SLC39A14: variants seen among roughly 807,000 people sequenced by gnomAD.
The protein encoded by SLC39A14 is solute carrier family 39 member 14.
In SLC39A14, 19 loss-of-function variants were observed where a neutral mutation model predicts 45.5. The ratio of observed to expected loss-of-function variants is 0.42; its 90% CI spans 0.29 to 0.61. The LOEUF (loss-of-function observed/expected upper bound fraction) is 0.61. Among genes scored for constraint, SLC39A14 ranks in the 20% least tolerant of loss-of-function variants. The probability of loss-of-function intolerance (pLI) is 0.22; values close to 1 mark genes in which losing one functional copy is unlikely to be tolerated. For missense variants in SLC39A14, 447 were observed against 616.5 expected (o/e 0.73, Z 2.91); for synonymous variants, 264 against 251.3 (o/e 1.05, Z -0.48).
At chr8:22,397,979 C>CA (rs1834605852) in intron 1 of SLC39A14, among the ~76,000 whole-genome samples, 1 of 152,132 alleles carries the variant, frequency 6.6e-6, no homozygotes, top group Non-Finnish European at 1.5e-5. Flanking sequence ...ATGGGTCCCT[C>CA]GGAGACCCCT....
chr8:22,382,964 C>T lies in SLC39A14; in HGVS notation c.-16+15556C>T, dbSNP rs558647775. Among the ~76,000 whole-genome samples the T allele has an allele frequency of 2.6e-5, 4 of 152,140 alleles. No homozygotes were observed. The South Asian group carries it at 6.2e-4, about 24-fold the overall frequency. Reference sequence around the variant, plus strand: ...AACTCCTGGGCTCAAGCCATCCACCCGCATCGGCCTCCCAAAGTGTTGGGA... The same window carrying T: ...AACTCCTGGGCTCAAGCCATCCACCTGCATCGGCCTCCCAAAGTGTTGGGA... On this transcript the variant is annotated intron_variant, in intron 1 of 8. Coordinates refer to ENST00000381237, the MANE Select transcript of SLC39A14 (RefSeq NM_001128431.4).
chr8:22,417,655 CTT>C lies in SLC39A14; in HGVS notation c.1154_1155del (p.Phe385CysfsTer58), dbSNP rs1835968030. The C allele has an allele frequency of 6.2e-7, 1 of 1,612,922 alleles. No individual in the cohort carries two copies. The highest frequency in any genetic ancestry group is 8.5e-7 in the Non-Finnish European group (1 of 1,179,506). Reference protein sequence around the residue: ...CEEFPHELGDFVILLNAGMSI... With the variant: ...CEEFPHELGDXVILLNAGMSI... ...TTTTCATTCTCGCTGCTGTAGGAGA[CTT>C]TGTCATCCTGCTCAACGCTGGGATG... On this transcript the variant is annotated frameshift_variant, in exon 8 of 9. Coordinates refer to ENST00000381237, the MANE Select transcript of SLC39A14 (RefSeq NM_001128431.4). LOFTEE classifies it high-confidence loss of function.
intron 1 of SLC39A14, among the ~76,000 whole-genome samples, chr8:22,369,019 C>A (rs555158526): frequency 2.6e-5 from 4 of 152,166 alleles, no homozygotes; most frequent in African/African-American, 9.7e-5. Flanking sequence ...AGAATCATAA[C>A]TTAGCAGCTG....
chr8:22,408,743 C>A (rs1319201386), intron 3 of SLC39A14, among the ~76,000 whole-genome samples: 1 of 151,994 alleles, frequency 6.6e-6, no homozygotes, highest in African/African-American at 2.4e-5. Flanking sequence ...ACTTCTTGAG[C>A]GGCCTATGGA....
At position 22,379,905 on chromosome 8, in the gene SLC39A14, G is replaced by T. The variant is rs1210173350; in HGVS notation, c.-16+12497G>T. Among the ~76,000 whole-genome samples, 3 of 143,944 alleles carry T rather than the reference G, an allele frequency of 2.1e-5. No homozygotes were observed. The East Asian group carries it at 6.1e-4, about 29-fold the overall frequency. The allele number at this position is 143,944 out of a possible 152,430, so 94.4% of individuals were successfully genotyped here. A position where few individuals can be genotyped will look rare whatever the true frequency, so the allele number is the denominator to read the frequency against. ...GGTTGTGCCACTGCACTCCAGCCTG[G>T]CGACAGAGTGAGACTCCATCTCAAA... On this transcript the variant is annotated intron_variant, in intron 1 of 8. Coordinates refer to ENST00000381237, the MANE Select transcript of SLC39A14 (RefSeq NM_001128431.4).
intron 3 of SLC39A14, among the ~76,000 whole-genome samples, chr8:22,410,736 C>A (rs1367470637): frequency 2.0e-5 from 3 of 152,204 alleles, no homozygotes; most frequent in Non-Finnish European, 4.4e-5. Flanking sequence ...GACTGACTTC[C>A]TGGTACCTTG....
chr8:22,404,121 G>A (rs1233621407), intron 1 of SLC39A14, among the ~76,000 whole-genome samples: 4 of 151,582 alleles, frequency 2.6e-5, no homozygotes, highest in Non-Finnish European at 5.9e-5. Context: ...CCTCTAAAAC[G>A]ACTTCTAAAA....
chr8:22,424,275 C>T (rs1047824327), downstream of SLC39A14, among the ~76,000 whole-genome samples: 1 of 152,084 alleles, frequency 6.6e-6, no homozygotes, highest in Admixed American at 6.6e-5. Flanking sequence ...TCTGTCAATG[C>T]GACTTAAAAT....
At chr8:22,410,197 T>C in intron 3 of SLC39A14, 2 of 1,452,004 alleles carry the variant, frequency 1.4e-6, no homozygotes, top group South Asian at 1.2e-5. Context: ...TACCCTGGGC[T>C]CCAAGGCACC....
Position 22,393,709 on chromosome 8 carries a change from T to C in SLC39A14, c.-15-10987T>C, listed in dbSNP as rs187251388. Among the ~76,000 whole-genome samples, 28 of 152,322 alleles carry C rather than the reference T, an allele frequency of 1.8e-4. 1 individual carries two copies. The East Asian group carries it at 4.4e-3, about 24-fold the overall frequency. ...TTTTTTGAGACAAGGTCTTTCTCTG[T>C]CACCCAGGCTGGGGTGCGGTGGCAC... On this transcript the variant is annotated intron_variant, in intron 1 of 8. Coordinates refer to ENST00000381237, the MANE Select transcript of SLC39A14 (RefSeq NM_001128431.4).
chr8:22,370,150 T>C (rs1009906625), intron 1 of SLC39A14, among the ~76,000 whole-genome samples: 2 of 151,816 alleles, frequency 1.3e-5, no homozygotes, highest in Admixed American at 6.6e-5. Flanking sequence ...GGGTGTGTGC[T>C]TGTGTGTGTG....
intron 7 of SLC39A14, 98 bp downstream of exon 7, chr8:22,416,378 A>C (rs1215491992): frequency 1.0e-6 from 1 of 999,850 alleles, no homozygotes; most frequent in Non-Finnish European, 1.5e-6. Flanking sequence ...CTGTCTTCAC[A>C]GTGCTTATTG....
At chr8:22,388,952 A>G (rs1488045852) in intron 1 of SLC39A14, among the ~76,000 whole-genome samples, 1 of 152,140 alleles carries the variant, frequency 6.6e-6, no homozygotes, top group Non-Finnish European at 1.5e-5. Flanking sequence ...AGTTACTGAG[A>G]AATCAAAAGT....
At chr8:22,371,771 G>A (rs1201791451) in intron 1 of SLC39A14, among the ~76,000 whole-genome samples, 1 of 140,800 alleles carries the variant, frequency 7.1e-6, no homozygotes, top group Non-Finnish European at 1.5e-5. Flanking sequence ...TTGAGACGGA[G>A]CCTTGCTCTG....
chr8:22,378,872 A>G (rs1833349627), intron 1 of SLC39A14, among the ~76,000 whole-genome samples: 1 of 152,210 alleles, frequency 6.6e-6, no homozygotes, highest in Non-Finnish European at 1.5e-5. Context: ...TAATTCTGGC[A>G]CCAAAGTATT....
chr8:22,434,113 A>AT (rs1177663233), exon 9 of SLC39A14: 2 of 160,126 alleles, frequency 1.2e-5, no homozygotes, highest in Admixed American at 1.3e-4. Context: ...GTCATTAAAT[A>AT]TTTTTCTAAT....
downstream of SLC39A14, among the ~76,000 whole-genome samples, chr8:22,423,624 T>C (rs1475687170): frequency 6.6e-6 from 1 of 150,448 alleles, no homozygotes; most frequent in Non-Finnish European, 1.5e-5. Flanking sequence ...CGTGAGCCAC[T>C]GGCCATGATT....
intron 1 of SLC39A14, among the ~76,000 whole-genome samples, chr8:22,375,443 C>T (rs775617118): frequency 1.6e-4 from 24 of 151,396 alleles, no homozygotes; most frequent in Non-Finnish European, 2.8e-4. Context: ...CATCTTACCT[C>T]GACATCAAAA....
intron 1 of SLC39A14, chr8:22,390,665 T>C (rs886252242): frequency 5.9e-6 from 1 of 169,682 alleles, no homozygotes; most frequent in Non-Finnish European, 1.3e-5. Context: ...TTTGGTCAAA[T>C]TGCTGGAAGA....
Sources: gnomAD v4.1 joint callset for allele counts (sites outside exome capture counted in the v4.1 genomes callset) on GRCh38, gnomAD v4.1.1 for gene constraint, MANE v1.5 for transcripts, NCBI Gene and HGNC (gene_info 2026-07-23, HGNC 2026-07-21) for gene names.